Variants in MAPDA observed in about 807,000 individuals in gnomAD.
MAPDA encodes N6-Methyl-AMP deaminase.
At chr15:43,340,433 GA>G in the MAPDA span, 1 of 1,183,312 alleles carries the variant, frequency 8.5e-7, no homozygotes, top group East Asian at 2.4e-5. Flanking sequence ...GTGGGAATAT[GA>G]AGCACTAACT....
the MAPDA span, among the ~76,000 whole-genome samples, chr15:43,331,579 G>A: frequency 6.6e-6 from 1 of 152,204 alleles, no homozygotes; most frequent in Non-Finnish European, 1.5e-5. Context: ...CTGGAGTCAA[G>A]AAAAAGTTTC....
At chr15:43,346,925 C>T in the MAPDA span, 5 of 944,020 alleles carry the variant, frequency 5.3e-6, no homozygotes, top group Admixed American at 2.1e-5. Flanking sequence ...TTATTTTTTT[C>T]TGCCATTATG....
At chr15:43,350,325 A>C in the MAPDA span, among the ~76,000 whole-genome samples, 10 of 149,492 alleles carry the variant, frequency 6.7e-5, no homozygotes, top group East Asian at 2.0e-3. Context: ...TCATCCACCC[A>C]CCTTGGCCTC....
the MAPDA span, among the ~76,000 whole-genome samples, chr15:43,334,680 C>A: frequency 1.6e-5 from 1 of 63,732 alleles, no homozygotes; most frequent in Non-Finnish European, 4.9e-5. Context: ...CCAAAGTAGG[C>A]CTTATAAAAT....
At chr15:43,342,304 C>G in the MAPDA span, among the ~76,000 whole-genome samples, 13 of 151,876 alleles carry the variant, frequency 8.6e-5, no homozygotes, top group African/African-American at 3.1e-4. Flanking sequence ...CTTGCAGATC[C>G]CCTCAGAGAG....
At chr15:43,336,292 G>A in the MAPDA span, among the ~76,000 whole-genome samples, 3 of 151,994 alleles carry the variant, frequency 2.0e-5, no homozygotes, top group African/African-American at 7.3e-5. Flanking sequence ...CTATCCACTC[G>A]CCTTGGCTTC....
At chr15:43,350,328 T>C in the MAPDA span, among the ~76,000 whole-genome samples, 1 of 151,714 alleles carries the variant, frequency 6.6e-6, no homozygotes, top group East Asian at 1.9e-4. Context: ...TCCACCCACC[T>C]TGGCCTCCCA....
chr15:43,334,298 T>A, the MAPDA span, among the ~76,000 whole-genome samples: 1 of 152,166 alleles, frequency 6.6e-6, no homozygotes, highest in East Asian at 1.9e-4. Flanking sequence ...GCACCTCTGT[T>A]CTTCTTTTAT....
the MAPDA span, chr15:43,336,672 G>C: frequency 6.4e-7 from 1 of 1,555,324 alleles, no homozygotes; most frequent in Non-Finnish European, 8.6e-7. Context: ...TAGTAGCCCT[G>C]AAGATATTCT....
chr15:43,340,476 G>C, the MAPDA span: 1 of 751,178 alleles, frequency 1.3e-6, no homozygotes, highest in South Asian at 1.8e-5. Context: ...GTATTTCATT[G>C]AACCTTTAGT....
At chr15:43,349,455 C>T in the MAPDA span, 5 of 638,616 alleles carry the variant, frequency 7.8e-6, no homozygotes, top group Non-Finnish European at 7.9e-6. Context: ...ACTTGATTGT[C>T]TATGTGTTTA....
At chr15:43,351,540 T>C in the MAPDA span, 1 of 537,528 alleles carries the variant, frequency 1.9e-6, no homozygotes, top group Non-Finnish European at 3.2e-6. Context: ...AATTTTAATA[T>C]CCAGCCAGAG....
the MAPDA span, among the ~76,000 whole-genome samples, chr15:43,341,475 A>T: frequency 2.0e-5 from 3 of 152,224 alleles, no homozygotes; most frequent in African/African-American, 7.2e-5. Flanking sequence ...TGACATGGGG[A>T]AATACTCGGA....
the MAPDA span, among the ~76,000 whole-genome samples, chr15:43,346,451 A>G: frequency 6.6e-6 from 1 of 152,198 alleles, no homozygotes; most frequent in Non-Finnish European, 1.5e-5. Flanking sequence ...GATGTTTAGC[A>G]GCATCCTTGG....
the MAPDA span, among the ~76,000 whole-genome samples, chr15:43,346,763 A>G: frequency 1.3e-5 from 2 of 152,214 alleles, no homozygotes; most frequent in African/African-American, 2.4e-5. Context: ...GGTGACTACT[A>G]TATCCAGCTT....
the MAPDA span, chr15:43,348,796 A>C: frequency 5.4e-6 from 6 of 1,106,588 alleles, no homozygotes; most frequent in Non-Finnish European, 7.6e-6. Flanking sequence ...AGTTTTCCAA[A>C]AGGTCTGCAT....
chr15:43,337,812 C>T, the MAPDA span, among the ~76,000 whole-genome samples: 1 of 152,186 alleles, frequency 6.6e-6, no homozygotes, highest in Non-Finnish European at 1.5e-5. Context: ...ATGTTCCAGG[C>T]ACTGTGCTAA....
the MAPDA span, chr15:43,335,210 T>C: frequency 6.3e-7 from 1 of 1,596,532 alleles, no homozygotes; most frequent in South Asian, 1.1e-5. Context: ...GGTTGCTAAT[T>C]ATAATGACTT....
the MAPDA span, chr15:43,349,061 T>G: frequency 6.2e-7 from 1 of 1,614,046 alleles, no homozygotes; most frequent in Non-Finnish European, 8.5e-7. Context: ...GCTTGGAGTT[T>G]CAGGTCTTCC....
Sources: gnomAD v4.1 joint callset for allele counts (sites outside exome capture counted in the v4.1 genomes callset) on GRCh38, gnomAD v4.1.1 for gene constraint, MANE v1.5 for transcripts, NCBI Gene and HGNC (gene_info 2026-07-23, HGNC 2026-07-21) for gene names.